The following PRCC variants were observed in gnomAD, a reference collection of about 807,000 sequenced individuals.
PRCC encodes the protein proline-rich protein PRCC.
PRCC carries 10 observed loss-of-function variants against 44.0 expected under a neutral mutation model. That is an observed-to-expected ratio of 0.23 (90% CI 0.14 to 0.39). PRCC has a LOEUF of 0.39. Among genes scored for constraint, PRCC ranks in the 10% least tolerant of loss-of-function variants. PRCC has a pLI of 1.00. For synonymous variants in PRCC, 278 were observed against 259.5 expected (o/e 1.07, Z -0.69); for missense variants, 573 against 624.7 (o/e 0.92, Z 0.88).
rs1652801927 is a variant in PRCC at position 156,800,563 on chromosome 1, C to T, written c.*103C>T. The T allele has an allele frequency of 1.7e-6, 2 of 1,167,862 alleles. No homozygotes were observed. The highest frequency in any genetic ancestry group is 2.5e-6 in the Non-Finnish European group (2 of 786,234). The allele number at this position is 1,167,862 out of a possible 1,614,324, so 72.3% of individuals were successfully genotyped here. On this transcript the variant is annotated 3_prime_UTR_variant, in exon 7 of 7. Transcript: ENST00000271526. ...GCTGCTCTAAGCCCAGGATCTCTTT[C>T]CCCAAGGACCCAGCCCTCGCCTCTG...
chr1:156,771,820 C>G (rs1424840905), intron 1 of PRCC, among the ~76,000 whole-genome samples: 11 of 152,010 alleles, frequency 7.2e-5, no homozygotes, highest in Non-Finnish European at 1.5e-4. Context: ...TGTGAGCCAC[C>G]ACGCCTAGCC....
At chr1:156,773,815 G>A (rs995465594) in intron 1 of PRCC, among the ~76,000 whole-genome samples, 2 of 152,172 alleles carry the variant, frequency 1.3e-5, no homozygotes, top group East Asian at 3.8e-4. Flanking sequence ...GTTCATAGTA[G>A]CAATACTCCC....
rs557842343 is a variant in PRCC at position 156,794,794 on chromosome 1, A to C, written c.1309A>C (p.Lys437Gln). ...GTCATTGACAGAAGAGAAAACCATG[A>C]AGTCATTCAGCAAAGTAAGTGGGAA... Reference protein sequence around the residue: ...TKSLTEEKTMKSFSKKKGEQP... With the variant: ...TKSLTEEKTMQSFSKKKGEQP... The change falls in exon 5 of 7, where the codon AAG (lysine) becomes CAG (glutamine). Residue 437 changes from lysine to glutamine, a missense_variant. Transcript: ENST00000271526. 5.6e-6 allele frequency: 9 copies of C among 1,614,188 alleles called. No individual in the cohort carries two copies. The South Asian group carries it at 9.9e-5, about 18-fold the overall frequency.
chr1:156,791,638 C>T, intron 3 of PRCC, 59 bp from the exon 4 acceptor site: 3 of 1,493,948 alleles, frequency 2.0e-6, no homozygotes, highest in Non-Finnish European at 2.8e-6. Context: ...ACAGACCTTA[C>T]CTTCCCCTCT....
chr1:156,796,257 A>G (rs1449595385), intron 5 of PRCC: 1 of 152,224 alleles, frequency 6.6e-6, no homozygotes, highest in Non-Finnish European at 1.5e-5. Context: ...AAATAGCAGC[A>G]AGCAATTAGT....
At chr1:156,782,391 C>T (rs1287024429) in intron 2 of PRCC, 62 bp downstream of exon 2, 3 of 1,432,612 alleles carry the variant, frequency 2.1e-6, no homozygotes, top group Admixed American at 3.5e-5. Context: ...AAAGACAGGA[C>T]TTACAGTATC....
intron 1 of PRCC, 25 bp downstream of exon 1, chr1:156,768,264 C>T (rs573882112): frequency 1.3e-6 from 2 of 1,535,494 alleles, no homozygotes; most frequent in African/African-American, 1.4e-5. Flanking sequence ...AAGGCACCCC[C>T]AAACTGTCCA....
intron 1 of PRCC, among the ~76,000 whole-genome samples, chr1:156,776,352 A>G (rs1318858327): frequency 1.3e-5 from 2 of 152,236 alleles, no homozygotes; most frequent in Non-Finnish European, 2.9e-5. Context: ...CCTGGGCACA[A>G]CAGAGCAAGA....
chr1:156,768,270 G>C, intron 1 of PRCC, 31 bp downstream of exon 1: 3 of 1,534,230 alleles, frequency 2.0e-6, no homozygotes, highest in Non-Finnish European at 2.6e-6. Context: ...CCCCCAAACT[G>C]TCCATCGGGT....
At chr1:156,785,915 G>A (rs1652229374) in intron 2 of PRCC, among the ~76,000 whole-genome samples, 1 of 151,440 alleles carries the variant, frequency 6.6e-6, no homozygotes, top group East Asian at 2.0e-4. Flanking sequence ...GGGTTCAAGC[G>A]ATTCTTCTGC....
At chr1:156,772,000 T>C (rs955251214) in intron 1 of PRCC, among the ~76,000 whole-genome samples, 1 of 152,144 alleles carries the variant, frequency 6.6e-6, no homozygotes, top group African/African-American at 2.4e-5. Context: ...TTATTTGTTT[T>C]GAGACCAGAT....
Position 156,782,333 on chromosome 1 carries a change from A to C in PRCC, c.516+4A>C. The stretch of plus-strand genomic sequence containing the variant: ...AAAGAAGAAAACTATCCTTCAGGTA[A>C]GCATTGTGATATAAACCATTTTTTT... On this transcript the variant is annotated splice_donor_region_variant and intron_variant, in intron 2 of 6. Transcript: ENST00000271526. The C allele has an allele frequency of 6.2e-7, 1 of 1,603,260 alleles. No homozygotes were observed. Among genetic ancestry groups the C allele is most frequent in the Non-Finnish European group, 8.5e-7 (1 of 1,171,344 alleles).
At chr1:156,782,546 T>G (rs1249089341) in intron 2 of PRCC, among the ~76,000 whole-genome samples, 1 of 152,186 alleles carries the variant, frequency 6.6e-6, no homozygotes, top group Admixed American at 6.6e-5. Flanking sequence ...GTATTACCTT[T>G]CCTGGAAGAC....
intron 1 of PRCC, among the ~76,000 whole-genome samples, chr1:156,779,108 A>G (rs1157238511): frequency 6.9e-5 from 1 of 14,542 alleles, no homozygotes; most frequent in Non-Finnish European, 1.2e-4. Flanking sequence ...CGGGTAATAT[A>G]TATATATATA....
At position 156,786,929 on chromosome 1, in the gene PRCC, C is replaced by G. The variant is rs767797644; in HGVS notation, c.838C>G (p.Pro280Ala). The change falls in exon 3 of 7, where the codon CCT becomes GCT. Residue 280 changes from proline (P) to alanine (A), a missense_variant. Physicochemically the swap from Pro to Ala is conservative, Grantham distance 27. Coordinates refer to ENST00000271526, the MANE Select transcript of PRCC (RefSeq NM_005973.5). ...EVAPENFFSLPEKAEPPGVEP... is the reference protein window; with the variant it reads ...EVAPENFFSLAEKAEPPGVEP... Reference sequence around the variant, plus strand: ...AGCCCCCGAAAACTTTTTCTCCCTCCCTGAAAAGGCTGAGCCACCTGGAGT... The same window carrying G: ...AGCCCCCGAAAACTTTTTCTCCCTCGCTGAAAAGGCTGAGCCACCTGGAGT... 43 of 1,614,206 alleles carry G rather than the reference C, an allele frequency of 2.7e-5. No homozygotes were observed. The highest frequency in any genetic ancestry group is 3.6e-5 in the Non-Finnish European group (43 of 1,180,038).
chr1:156,785,453 C>CAGTGAGCCA (rs1400705784), intron 2 of PRCC, among the ~76,000 whole-genome samples: 1 of 151,352 alleles, frequency 6.6e-6, no homozygotes, highest in East Asian at 2.0e-4. Context: ...GCGGAGGTTG[C>CAGTGAGCCA]AGTGAGCCAA....
intron 1 of PRCC, among the ~76,000 whole-genome samples, chr1:156,775,129 T>TC (rs1258430535): frequency 6.6e-6 from 1 of 151,190 alleles, no homozygotes; most frequent in Admixed American, 6.6e-5. Context: ...GTGCCTGTAG[T>TC]CCCAGCTACT....
intron 5 of PRCC, chr1:156,795,862 T>C (rs926422824): frequency 6.6e-6 from 1 of 152,240 alleles, no homozygotes; most frequent in African/African-American, 2.4e-5. Flanking sequence ...TGGACATTTA[T>C]GAGCCTGCCA....
Position 156,767,999 on chromosome 1 carries a change from G to T in PRCC, c.228G>T (p.Arg76Ser). 6.4e-7 allele frequency: 1 copy of T among 1,573,540 alleles called. No individual in the cohort carries two copies. Among genetic ancestry groups the T allele is most frequent in the African/African-American group, 1.3e-5 (1 of 74,298 alleles). Residue 76 changes from arginine to serine, a missense_variant, in exon 1 of 7, where the codon AGG becomes AGT. Around this residue, in one of 4 missense-constraint regions of PRCC, gnomAD observed 245 missense variants for 188.5 expected, o/e 1.30. Transcript: ENST00000271526. ...TTCCCCCACCCACCGGAGACCCCAG[G>T]CTTCAGCCTCCTCCCCCCTTGCCCT... ...LLLPPPTGDP[R>S]LQPPPPLPFG...
Sources: allele counts gnomAD v4.1 joint callset (sites outside exome capture counted in the v4.1 genomes callset), GRCh38; gene constraint gnomAD v4.1.1; regional missense constraint gnomAD v4.1.1; transcripts MANE v1.5; gene names NCBI Gene and HGNC (gene_info 2026-07-23, HGNC 2026-07-21).